Variants in PCDHGB6 observed in about 807,000 individuals in gnomAD.
PCDHGB6 encodes the protein protocadherin gamma subfamily B, 6.
PCDHGB6 carries 51 observed loss-of-function variants against 59.1 expected under a neutral mutation model. The ratio of observed to expected loss-of-function variants is 0.86; its 90% confidence interval spans 0.69 to 1.09. The LOEUF is 1.09. Among genes scored for constraint, PCDHGB6 ranks in the 50% least tolerant of loss-of-function variants. The probability of loss-of-function intolerance (pLI) is 0.00; values close to 1 mark genes in which losing one functional copy is unlikely to be tolerated. For missense variants in PCDHGB6, 1,148 were observed against 1,205.1 expected (o/e 0.95, Z 0.70); for synonymous variants, 466 against 495.1 (o/e 0.94, Z 0.78).
chr5:141,414,472 A>G (rs1039987036), intron 1 of PCDHGB6: 1 of 1,613,914 alleles, frequency 6.2e-7, no homozygotes, highest in African/African-American at 1.3e-5. Flanking sequence ...AGATGGGGGA[A>G]GTCCTCCTCT....
chr5:141,506,544 G>GT (rs2099854759), intron 3 of PCDHGB6, among the ~76,000 whole-genome samples: 1 of 151,880 alleles, frequency 6.6e-6, no homozygotes, highest in Non-Finnish European at 1.5e-5. Flanking sequence ...GAGTCCTTAG[G>GT]TAAGTTATTA....
At chr5:141,415,562 CT>C in intron 1 of PCDHGB6, 3 of 1,613,960 alleles carry the variant, frequency 1.9e-6, no homozygotes, top group Non-Finnish European at 1.7e-6. Context: ...GATCCTTTGT[CT>C]TTGTTAGATG....
rs2154543147 is a variant in PCDHGB6 at position 141,410,623 on chromosome 5, G to A, written c.2418+3G>A. 6.2e-7 allele frequency: 1 copy of A among 1,603,052 alleles called. No individual in the cohort carries two copies. The highest frequency in any genetic ancestry group is 8.5e-7 in the Non-Finnish European group (1 of 1,179,486). On this transcript the variant is annotated splice_donor_region_variant and intron_variant, in intron 1 of 3. Transcript: ENST00000520790. ...CACATCCTGAGACTCTGACTTCGGT[G>A]AGTTTCTCTTTTTTGTGTGTGATTT...
intron 1 of PCDHGB6, chr5:141,475,997 G>T: frequency 8.4e-7 from 1 of 1,184,406 alleles, no homozygotes; most frequent in Non-Finnish European, 1.2e-6. Flanking sequence ...CAAATCAACG[G>T]CATCCAGAAA....
At chr5:141,442,129 G>T in intron 1 of PCDHGB6, 1 of 165,104 alleles carries the variant, frequency 6.1e-6, no homozygotes, top group Non-Finnish European at 1.3e-5. Flanking sequence ...CCGACAGCCT[G>T]CAGGAGACTC....
rs768132114 is a variant in PCDHGB6 at position 141,489,845 on chromosome 5, G to A, written c.2419-4962G>A. 5 of 1,614,188 alleles carry A rather than the reference G, an allele frequency of 3.1e-6. No homozygotes were observed. The highest frequency in any genetic ancestry group is 2.2e-5 in the South Asian group (2 of 91,088). On this transcript the variant is annotated intron_variant, in intron 1 of 3. Transcript: ENST00000520790. This position sits in a 1 kb window ranked among gnomAD's most constrained non-coding sequence, Gnocchi z 4.5. ...CTGGTGCTAGAGCAGCAGCTGGATC[G>A]TGAAGCCCAGGCAAGACATCAGCTG...
rs146358809 is a variant in PCDHGB6, at chr5:141,480,913, C to T, written c.2419-13894C>T. 4.1e-3 allele frequency among the ~76,000 whole-genome samples: 617 copies of T among 152,096 alleles called. 6 individuals are homozygous for T. Among genetic ancestry groups the T allele is most frequent in the Admixed American group, 0.011 (171 of 15,272 alleles). ...TGCAAACATTAGCTGGGCATGGTGG[C>T]GCATACCTGTAGTCCCAGCTACTCT... On this transcript the variant is annotated intron_variant, in intron 1 of 3. Transcript: ENST00000520790.
chr5:141,476,642 C>T lies in PCDHGB6; in HGVS notation c.2419-18165C>T. On this transcript the variant is annotated intron_variant, in intron 1 of 3. Transcript: ENST00000520790. This position sits in a 1 kb window ranked among gnomAD's most constrained non-coding sequence, Gnocchi z 7.6. The stretch of plus-strand genomic sequence containing the variant: ...CTCTTTACAAACCTATGAGCTGAGC[C>T]GAAATGAATACTTTGCGCTTCGCGT... The T allele has an allele frequency of 1.9e-6, 3 of 1,614,240 alleles. No individual in the cohort carries two copies. The highest frequency in any genetic ancestry group is 2.5e-6 in the Non-Finnish European group (3 of 1,180,050).
intron 1 of PCDHGB6, among the ~76,000 whole-genome samples, chr5:141,443,787 A>C (rs957552086): frequency 3.3e-5 from 5 of 152,222 alleles, no homozygotes; most frequent in African/African-American, 1.2e-4. Flanking sequence ...AAGACAAAAA[A>C]AATGAAAAGG....
In PCDHGB6 at chr5:141,490,309, A is replaced by G. The variant is rs1485303337; in HGVS notation, c.2419-4498A>G. On this transcript the variant is annotated intron_variant, in intron 1 of 3. Transcript: ENST00000520790. The surrounding 1 kb of genome is among the most constrained non-coding windows in gnomAD (Gnocchi z 5.4). ...AGAGGTGCTATTGGCCTCTTTGGCCAACCCTGTCCTAGAGAGCACACCAGT... is the reference window on the plus strand; with the variant it reads ...AGAGGTGCTATTGGCCTCTTTGGCCGACCCTGTCCTAGAGAGCACACCAGT... The G allele has an allele frequency of 2.8e-5, 46 of 1,614,126 alleles. No homozygotes were observed. Among genetic ancestry groups the G allele is most frequent in the Non-Finnish European group, 3.8e-5 (45 of 1,180,056 alleles).
At chr5:141,421,699 G>T (rs751572007) in intron 1 of PCDHGB6, 1 of 1,613,928 alleles carries the variant, frequency 6.2e-7, no homozygotes, top group Admixed American at 1.7e-5. Flanking sequence ...TCTTCCTAAT[G>T]CTAGGGATCC....
At chr5:141,424,300 AAC>A (rs1370166165) in intron 1 of PCDHGB6, 2 of 152,504 alleles carry the variant, frequency 1.3e-5, no homozygotes, top group Non-Finnish European at 2.9e-5. Context: ...TCATCCTATC[AAC>A]ACAGACATAT....
rs372848702 is a variant in PCDHGB6 at position 141,410,167 on chromosome 5, T to A, written c.1965T>A (p.Ser655=). 1 of 1,613,770 alleles carries A rather than the reference T, an allele frequency of 6.2e-7. No individual in the cohort carries two copies. The highest frequency in any genetic ancestry group is 1.1e-5 in the South Asian group (1 of 91,068). ...AVRDGGQPPL[S]ATATLHLVFA... ...GTGACGGTGGACAGCCGCCACTCTC[T>A]GCCACCGCCACGCTTCATCTGGTCT... The change falls in exon 1 of 4, where the codon TCT becomes TCA. Residue 655 remains serine, a synonymous_variant. Transcript: ENST00000520790.
At chr5:141,423,470 A>C (rs904433654) in intron 1 of PCDHGB6, 54 of 1,613,884 alleles carry the variant, frequency 3.3e-5, no homozygotes, top group Non-Finnish European at 4.3e-5. Context: ...GACGGGGTAC[A>C]GGCTTTCCTG....
chr5:141,415,577 C>T (rs776744277), intron 1 of PCDHGB6: 3 of 1,613,744 alleles, frequency 1.9e-6, no homozygotes, highest in East Asian at 4.5e-5. Context: ...TTAGATGATT[C>T]GAAGTTTCCT....
chr5:141,477,835 T>G lies in PCDHGB6; in HGVS notation c.2419-16972T>G. ...CCCAGGTCCTATATCCTCGGCCAGG[T>G]GGGAGCTCGGTGGAGATGCTGCCTC... On this transcript the variant is annotated intron_variant, in intron 1 of 3. Coordinates refer to ENST00000520790, the MANE Select transcript of PCDHGB6 (RefSeq NM_018926.3). This position sits in a 1 kb window ranked among gnomAD's most constrained non-coding sequence, Gnocchi z 4.9. The G allele has an allele frequency of 6.2e-7, 1 of 1,614,090 alleles. No individual in the cohort carries two copies. Among genetic ancestry groups the G allele is most frequent in the South Asian group, 1.1e-5 (1 of 91,072 alleles).
chr5:141,462,007 G>C (rs2099028604), intron 1 of PCDHGB6, among the ~76,000 whole-genome samples: 1 of 152,188 alleles, frequency 6.6e-6, no homozygotes, highest in South Asian at 2.1e-4. Context: ...ATTTTTAATA[G>C]AGACGGGGTT....
intron 1 of PCDHGB6, chr5:141,417,718 G>A: frequency 7.7e-7 from 1 of 1,304,720 alleles, no homozygotes; most frequent in Non-Finnish European, 1.0e-6. Flanking sequence ...GCTCCCGGCT[G>A]CGCAGACCTT....
At chr5:141,423,617 A>T (rs1426014397) in intron 1 of PCDHGB6, 3 of 1,608,486 alleles carry the variant, frequency 1.9e-6, no homozygotes, top group Admixed American at 1.7e-5. Flanking sequence ...ATAGCTGAAG[A>T]CTCAGCTATC....
Sources: gnomAD v4.1 joint callset for allele counts (sites outside exome capture counted in the v4.1 genomes callset) on GRCh38, gnomAD v4.1.1 for gene constraint, Gnocchi (gnomAD v3.1) non-coding constraint, MANE v1.5 for transcripts, NCBI Gene and HGNC (gene_info 2026-07-23, HGNC 2026-07-21) for gene names.